CLCN5: variants seen among roughly 807,000 people sequenced by gnomAD.
CLCN5 encodes the protein Cl-/H+ antiporter 5, also known as H(+)/Cl(-) exchange transporter 5.
Under a neutral mutation model 54.0 loss-of-function variants are expected in CLCN5, and 17 were observed. The observed-to-expected ratio is 0.31, with a 90% CI of 0.22 to 0.47. The LOEUF is 0.47. Among genes scored for constraint, CLCN5 ranks in the 20% least tolerant of loss-of-function variants. The pLI is 1.00. For missense variants in CLCN5, 448 were observed against 646.7 expected, an observed-to-expected ratio of 0.69 and a Z score of 3.33; for synonymous variants, 222 against 233.0, an observed-to-expected ratio of 0.95 and a Z score of 0.43.
At chrX:50,051,421 T>C (rs1056357990) in intron 4 of CLCN5, among the ~76,000 whole-genome samples, 7 of 112,342 alleles carry the variant, frequency 6.2e-5, no homozygotes, top group African/African-American at 2.3e-4. Context: ...CTGATTACTA[T>C]GGCTTTATGG....
chrX:50,058,484 G>GA (rs1218998435), intron 4 of CLCN5, among the ~76,000 whole-genome samples: 37 of 108,337 alleles, frequency 3.4e-4, no homozygotes, highest in African/African-American at 1.1e-3. Context: ...GTGATTTTTA[G>GA]AAAAAAAAAT....
At chrX:49,971,229 A>T (rs1313890996) in intron 3 of CLCN5, among the ~76,000 whole-genome samples, 4 of 102,215 alleles carry the variant, frequency 3.9e-5, no homozygotes, top group African/African-American at 1.1e-4. Flanking sequence ...TATATATATA[A>T]ATATATATTT....
Position 50,042,311 on chromosome X carries a change from C to T in CLCN5, c.17-5C>T. The stretch of plus-strand genomic sequence containing the variant: ...TATAAGCCTCCTATTTTTCTTTCTG[C>T]ACAGGTGCCATGGATAACAGAGGCT... On this transcript the variant is annotated splice_polypyrimidine_tract_variant and splice_region_variant and intron_variant, in intron 3 of 14. Transcript: ENST00000376091. The T allele has an allele frequency of 2.7e-6, 3 of 1,118,581 alleles. No individual in the cohort carries two copies. Among genetic ancestry groups the T allele is most frequent in the Non-Finnish European group, 3.6e-6 (3 of 836,595 alleles). The allele number at this position is 1,118,581 out of a possible 1,213,427, so 92.2% of individuals were successfully genotyped here.
chrX:50,077,715 C>G (rs1602117430), intron 7 of CLCN5, among the ~76,000 whole-genome samples: 1 of 91,726 alleles, frequency 1.1e-5, no homozygotes. Flanking sequence ...GGCGCGGTGG[C>G]CTGTAATCCC....
At chrX:49,949,485 T>A (rs1329444471) in intron 3 of CLCN5, among the ~76,000 whole-genome samples, 2 of 112,167 alleles carry the variant, frequency 1.8e-5, no homozygotes, top group Non-Finnish European at 3.8e-5. Context: ...TTGTTTGGCT[T>A]TTAATAACAG....
Position 50,098,372 on chromosome X carries a change from T to C in CLCN5, c.*6153T>C, listed in dbSNP as rs1303029529. 3.6e-5 allele frequency: 4 copies of C among 112,379 alleles called. No individual in the cohort carries two copies. Among genetic ancestry groups the C allele is most frequent in the African/African-American group, 1.3e-4 (4 of 30,841 alleles). The allele number at this position is 112,379 out of a possible 1,213,427, so 9.3% of individuals were successfully genotyped here. ...TCATTTGACCAAGGCCAGCCTCCTG[T>C]TCTTACCTCTGCCCATTCATTTCTG... On this transcript the variant is annotated 3_prime_UTR_variant, in exon 15 of 15. Transcript: ENST00000376091.
intron 2 of CLCN5, 56 bp from the exon 3 acceptor site, chrX:49,925,115 A>G (rs1452530094): frequency 8.2e-6 from 4 of 490,675 alleles, no homozygotes; most frequent in Non-Finnish European, 1.4e-5. Context: ...ATAATTTTCA[A>G]GCATTTGAAG....
At chrX:49,966,595 T>A (rs1601989022) in intron 3 of CLCN5, among the ~76,000 whole-genome samples, 3 of 13,985 alleles carry the variant, frequency 2.1e-4, no homozygotes, top group Non-Finnish European at 4.1e-4. Flanking sequence ...TGATCTTTTT[T>A]TTTTTTTTTT....
intron 7 of CLCN5, 110 bp from the exon 8 acceptor site, chrX:50,080,484 G>GTTT: frequency 6.6e-5 from 34 of 514,586 alleles, no homozygotes; most frequent in Non-Finnish European, 7.9e-5. Context: ...AATCTCGGTG[G>GTTT]TTTTTTTTTT....
intron 3 of CLCN5, among the ~76,000 whole-genome samples, chrX:50,031,215 A>G (rs1401808595): frequency 1.8e-5 from 2 of 112,394 alleles, no homozygotes; most frequent in Admixed American, 9.4e-5. Context: ...TATTTTGCCT[A>G]TTCATCTATT....
At chrX:49,969,860 T>G (rs1601994605) in intron 3 of CLCN5, among the ~76,000 whole-genome samples, 1 of 112,054 alleles carries the variant, frequency 8.9e-6, no homozygotes, top group East Asian at 2.8e-4. Flanking sequence ...TGTTGAAATC[T>G]GTCTGTGATT....
At chrX:50,078,971 C>T (rs1426878438) in intron 7 of CLCN5, among the ~76,000 whole-genome samples, 6 of 111,586 alleles carry the variant, frequency 5.4e-5, no homozygotes, top group East Asian at 2.8e-4. Context: ...TACAGGCACC[C>T]GCTACCACGC....
intron 3 of CLCN5, among the ~76,000 whole-genome samples, chrX:49,979,162 A>C (rs1928616317): frequency 8.9e-6 from 1 of 111,881 alleles, no homozygotes; most frequent in African/African-American, 3.2e-5. Context: ...TACCTTCCCT[A>C]CAAAGTACCT....
At chrX:50,078,857 C>G (rs1159701511) in intron 7 of CLCN5, among the ~76,000 whole-genome samples, 1 of 112,243 alleles carries the variant, frequency 8.9e-6, no homozygotes, top group African/African-American at 3.2e-5. Context: ...GAGTCTCACT[C>G]TGTCACCCAG....
intron 4 of CLCN5, among the ~76,000 whole-genome samples, chrX:50,059,472 T>C (rs782359536): frequency 1.5e-4 from 17 of 111,500 alleles, no homozygotes; most frequent in Non-Finnish European, 2.8e-4. Flanking sequence ...TAGTCTATTA[T>C]TGTGTTTTTA....
chrX:49,927,687 T>C (rs1925420788), intron 3 of CLCN5, among the ~76,000 whole-genome samples: 1 of 112,047 alleles, frequency 8.9e-6, no homozygotes, highest in African/African-American at 3.2e-5. Context: ...AAATCAGTAT[T>C]GAAGAGAGAG....
chrX:50,010,776 A>C (rs1292936344), intron 3 of CLCN5: 1 of 113,838 alleles, frequency 8.8e-6, no homozygotes, highest in Non-Finnish European at 1.9e-5. Context: ...AGGACAGAGC[A>C]CTTCTACCTC....
intron 9 of CLCN5, chrX:50,085,774 A>G (rs1359909886): frequency 1.6e-5 from 7 of 445,860 alleles, no homozygotes; most frequent in Non-Finnish European, 2.8e-5. Flanking sequence ...TACAAAGGAA[A>G]GGTCCTCTTA....
intron 4 of CLCN5, among the ~76,000 whole-genome samples, chrX:50,047,848 C>G (rs1298124727): frequency 8.9e-6 from 1 of 111,840 alleles, no homozygotes; most frequent in Non-Finnish European, 1.9e-5. Flanking sequence ...GGTGGAGTGT[C>G]TTTCTCATTA....
Sources: allele counts gnomAD v4.1 joint callset (sites outside exome capture counted in the v4.1 genomes callset), GRCh38; gene constraint gnomAD v4.1.1; transcripts MANE v1.5; gene names NCBI Gene and HGNC (gene_info 2026-07-23, HGNC 2026-07-21).